The following ZNRF3 variants were observed in gnomAD, a reference collection of about 807,000 sequenced individuals.
ZNRF3 encodes the protein zinc and ring finger 3, also known as E3 ubiquitin-protein ligase ZNRF3.
In ZNRF3, 23 loss-of-function variants were observed where a neutral mutation model predicts 72.5. The ratio of observed to expected loss-of-function variants is 0.32; its 90% confidence interval spans 0.23 to 0.45. ZNRF3 has a LOEUF of 0.45. Ranked by LOEUF, ZNRF3 falls within the 20% of genes least tolerant of loss-of-function variation. The pLI, the probability that ZNRF3 is intolerant of heterozygous loss-of-function variation, is 1.00. For synonymous variants in ZNRF3, 610 were observed against 545.3 expected, an observed-to-expected ratio of 1.12 and a Z score of -1.65; for missense variants, 1,169 against 1,272.1, an observed-to-expected ratio of 0.92 and a Z score of 1.23.
At chr22:29,026,656 G>T (rs2036642438) in intron 2 of ZNRF3, 1 of 152,190 alleles carries the variant, frequency 6.6e-6, no homozygotes, top group South Asian at 2.1e-4. Context: ...GGACCCAAAA[G>T]TCAGGAGGAC....
chr22:28,967,953 A>G (rs927626494), intron 1 of ZNRF3, among the ~76,000 whole-genome samples: 3 of 151,582 alleles, frequency 2.0e-5, no homozygotes, highest in Non-Finnish European at 2.9e-5. Flanking sequence ...AGAAAAAAAC[A>G]CAACTATATA....
At chr22:28,939,002 A>G (rs1316998264) in intron 1 of ZNRF3, among the ~76,000 whole-genome samples, 1 of 152,316 alleles carries the variant, frequency 6.6e-6, no homozygotes, top group Admixed American at 6.5e-5. Flanking sequence ...ATCTCAAAAT[A>G]GGCCAGGCAC....
chr22:28,915,005 G>A (rs755027309), intron 1 of ZNRF3, among the ~76,000 whole-genome samples: 30 of 152,086 alleles, frequency 2.0e-4, no homozygotes, highest in Non-Finnish European at 8.8e-5. Flanking sequence ...ACCCCAGAGG[G>A]GAGGCGTTCT....
At chr22:28,994,701 T>G (rs540178796) in intron 2 of ZNRF3, among the ~76,000 whole-genome samples, 26 of 152,176 alleles carry the variant, frequency 1.7e-4, no homozygotes, top group Non-Finnish European at 2.8e-4. Context: ...CACTGAACTG[T>G]GCACTTAAAA....
chr22:29,044,292 GA>G lies in ZNRF3; in HGVS notation c.634-478del, dbSNP rs145774659. ...TGACTTGTTGGCTTCTTTTTAAAGG[GA>G]AAAAAAAAAGCGCTTTGGTAAATAT... On this transcript the variant is annotated intron_variant, in intron 4 of 8. Transcript: ENST00000544604. Among the ~76,000 whole-genome samples, 311 of 147,750 alleles carry G rather than the reference GA, an allele frequency of 2.1e-3. 1 individual carries two copies. Among genetic ancestry groups the G allele is most frequent in the African/African-American group, 6.1e-3 (247 of 40,358 alleles).
chr22:28,956,530 A>G (rs994047050), intron 1 of ZNRF3, among the ~76,000 whole-genome samples: 2 of 151,950 alleles, frequency 1.3e-5, no homozygotes, highest in African/African-American at 2.4e-5. Flanking sequence ...CTTTTCTCCT[A>G]CAGGAAGAGG....
chr22:28,962,486 C>T (rs575643927), intron 1 of ZNRF3, among the ~76,000 whole-genome samples: 1 of 152,318 alleles, frequency 6.6e-6, no homozygotes, highest in South Asian at 2.1e-4. Context: ...TTGTTTTTCA[C>T]AGAGAGAGAA....
intron 1 of ZNRF3, among the ~76,000 whole-genome samples, chr22:28,978,723 A>G (rs948439709): frequency 7.1e-6 from 1 of 141,328 alleles, no homozygotes; most frequent in Non-Finnish European, 1.6e-5. Flanking sequence ...CCTGATTGCT[A>G]TTCCCAGAGG....
chr22:28,917,020 C>T (rs2034418832), intron 1 of ZNRF3, among the ~76,000 whole-genome samples: 1 of 152,108 alleles, frequency 6.6e-6, no homozygotes, highest in South Asian at 2.1e-4. Flanking sequence ...ATTAAAAATA[C>T]CAACTATTTA....
chr22:29,037,615 A>G (rs992326509), intron 2 of ZNRF3, among the ~76,000 whole-genome samples: 4 of 152,160 alleles, frequency 2.6e-5, no homozygotes, highest in Non-Finnish European at 5.9e-5. Flanking sequence ...TACTTTGCAA[A>G]TGTATTTTAA....
intron 1 of ZNRF3, among the ~76,000 whole-genome samples, chr22:28,914,181 T>C (rs1172860232): frequency 6.6e-6 from 1 of 152,182 alleles, no homozygotes; most frequent in African/African-American, 2.4e-5. Flanking sequence ...CACTGCTGGG[T>C]TGGCATCCTG....
At chr22:28,979,040 C>T (rs1290003877) in intron 1 of ZNRF3, among the ~76,000 whole-genome samples, 1 of 152,130 alleles carries the variant, frequency 6.6e-6, no homozygotes, top group Non-Finnish European at 1.5e-5. Context: ...GTGTCATCCT[C>T]TTGTTCAGAA....
intron 1 of ZNRF3, among the ~76,000 whole-genome samples, chr22:28,918,787 G>A (rs5762894): frequency 6.6e-6 from 1 of 152,064 alleles, no homozygotes; most frequent in Non-Finnish European, 1.5e-5. Flanking sequence ...TACTGGGGTA[G>A]GAAAGCTGCC....
At chr22:28,908,942 G>A (rs2123759024) in intron 1 of ZNRF3, among the ~76,000 whole-genome samples, 1 of 152,272 alleles carries the variant, frequency 6.6e-6, no homozygotes, top group East Asian at 1.9e-4. Flanking sequence ...CTGTTGCCAG[G>A]CTGGCGTGTA....
chr22:28,940,718 G>A (rs2034929732), intron 1 of ZNRF3, among the ~76,000 whole-genome samples: 1 of 152,124 alleles, frequency 6.6e-6, no homozygotes, highest in East Asian at 1.9e-4. Context: ...TGATTCTTTG[G>A]ATAGGGGGTT....
At chr22:28,951,942 T>G (rs959565964) in intron 1 of ZNRF3, among the ~76,000 whole-genome samples, 7 of 152,182 alleles carry the variant, frequency 4.6e-5, no homozygotes, top group Non-Finnish European at 1.0e-4. Flanking sequence ...TCCCCTGTGT[T>G]GATGAGAGGT....
At chr22:29,051,603 TA>T (rs1212194016) in intron 8 of ZNRF3, among the ~76,000 whole-genome samples, 3,829 of 105,018 alleles carry the variant, frequency 0.036, 79 homozygotes, top group African/African-American at 0.076. Flanking sequence ...GACTCTGTCT[TA>T]AAAAAAAAAA....
chr22:29,028,674 C>T (rs7292372), intron 2 of ZNRF3, among the ~76,000 whole-genome samples: 3,946 of 152,260 alleles, frequency 0.026, 82 homozygotes, highest in African/African-American at 0.057. Context: ...GGGCAAGTTA[C>T]GTAACCTTTG....
intron 1 of ZNRF3, among the ~76,000 whole-genome samples, chr22:28,932,541 C>T (rs945042578): frequency 6.6e-6 from 1 of 152,098 alleles, no homozygotes; most frequent in Non-Finnish European, 1.5e-5. Flanking sequence ...GGTCTTTGTG[C>T]GCATGTCCTT....
Sources: gnomAD v4.1 joint callset for allele counts (sites outside exome capture counted in the v4.1 genomes callset) on GRCh38, gnomAD v4.1.1 for gene constraint, MANE v1.5 for transcripts, NCBI Gene and HGNC (gene_info 2026-07-23, HGNC 2026-07-21) for gene names.